Variants in FAM118B observed in about 807,000 individuals in gnomAD.
FAM118B encodes the protein SIR2 antiphage like 1, also known as protein FAM118B.
A neutral mutation model predicts 38.5 loss-of-function variants in FAM118B; 24 were observed. The observed-to-expected ratio is 0.62, with a 90% CI of 0.45 to 0.88. The LOEUF is 0.88. FAM118B is among the 40% of genes least tolerant of loss of function. The pLI is 0.00. For synonymous variants in FAM118B, 138 were observed against 156.3 expected (o/e 0.88, Z 0.87); for missense variants, 334 against 420.0 (o/e 0.80, Z 1.79).
intron 1 of FAM118B, among the ~76,000 whole-genome samples, chr11:126,218,065 C>A (rs1950003989): frequency 6.6e-6 from 1 of 152,214 alleles, no homozygotes; most frequent in Admixed American, 6.5e-5. Flanking sequence ...GGTTTTGATT[C>A]TGGAAATTCA....
chr11:126,261,353 TTTAG>T, intron 7 of FAM118B, 68 bp from the exon 8 acceptor site: 1 of 1,266,498 alleles, frequency 7.9e-7, no homozygotes, highest in Non-Finnish European at 1.2e-6. Context: ...CTCATCTCCC[TTTAG>T]TTTTCTTTTT....
rs564192334 is a variant in FAM118B at position 126,246,202 on chromosome 11, A to G, written c.340-4304A>G. ...TAGGTGAGATAGAAGTATTGCGATT[A>G]TGTTTTTGTTTTGTATGTACTTTTC... is the stretch of plus-strand genomic sequence containing the variant. On this transcript the variant is annotated intron_variant, in intron 4 of 8. Coordinates refer to ENST00000533050, the MANE Select transcript of FAM118B (RefSeq NM_024556.4). 3.3e-5 allele frequency among the ~76,000 whole-genome samples: 5 copies of G among 152,268 alleles called. No individual in the cohort carries two copies. The East Asian group carries it at 9.6e-4, about 29-fold the overall frequency.
intron 2 of FAM118B, among the ~76,000 whole-genome samples, chr11:126,232,762 A>G (rs1950225515): frequency 6.6e-6 from 1 of 151,994 alleles, no homozygotes; most frequent in African/African-American, 2.4e-5. Flanking sequence ...TTAAAAAAAT[A>G]TATATCCCCA....
chr11:126,249,351 AC>A (rs1183833005), intron 4 of FAM118B, among the ~76,000 whole-genome samples: 1 of 152,224 alleles, frequency 6.6e-6, no homozygotes, highest in Non-Finnish European at 1.5e-5. Context: ...TTCAGAATAA[AC>A]CTATGAACTG....
At chr11:126,234,007 A>G (rs1402759348) in intron 2 of FAM118B, among the ~76,000 whole-genome samples, 7 of 152,200 alleles carry the variant, frequency 4.6e-5, no homozygotes, top group Non-Finnish European at 5.9e-5. Context: ...GCTTGAGCCC[A>G]GGAGGCCGAG....
At chr11:126,211,961 G>A (rs550120533) in intron 1 of FAM118B, 131 bp downstream of exon 1, 45 of 313,378 alleles carry the variant, frequency 1.4e-4, no homozygotes, top group Non-Finnish European at 2.0e-4. Flanking sequence ...TTTGGTACAC[G>A]ATCCCACTCA....
intron 1 of FAM118B, among the ~76,000 whole-genome samples, chr11:126,227,885 G>C (rs1010449488): frequency 3.3e-5 from 5 of 149,766 alleles, no homozygotes; most frequent in Non-Finnish European, 7.4e-5. Flanking sequence ...CTGCAGCCTT[G>C]ATTTCCCAGG....
At chr11:126,233,742 T>C in intron 2 of FAM118B, 1 of 456,334 alleles carries the variant, frequency 2.2e-6, no homozygotes, top group Non-Finnish European at 4.4e-6. Context: ...GAGCCTTCTG[T>C]TTACCACAAA....
intron 2 of FAM118B, among the ~76,000 whole-genome samples, chr11:126,232,722 TA>T (rs908033174): frequency 3.0e-4 from 45 of 151,106 alleles, no homozygotes; most frequent in Non-Finnish European, 5.6e-4. Flanking sequence ...TATTTTTTTT[TA>T]AAAAAATATA....
rs1437519651 is a variant in FAM118B, at chr11:126,244,487, T to C, written c.339+3443T>C. On this transcript the variant is annotated intron_variant, in intron 4 of 8. Coordinates refer to ENST00000533050, the MANE Select transcript of FAM118B (RefSeq NM_024556.4). The surrounding 1 kb of genome is among the most constrained non-coding windows in gnomAD (Gnocchi z 4.5). ...CCACTTGGCATCAAAAATAGTAAAA[T>C]AGCTAGGAATAAATTTAACGAAAGA... Among the ~76,000 whole-genome samples the C allele has an allele frequency of 1.3e-5, 2 of 151,954 alleles. No individual in the cohort carries two copies. Among genetic ancestry groups the C allele is most frequent in the Non-Finnish European group, 2.9e-5 (2 of 67,980 alleles).
rs541038294 is a variant in FAM118B, at chr11:126,244,129, C to T, written c.339+3085C>T. On this transcript the variant is annotated intron_variant, in intron 4 of 8. Coordinates refer to ENST00000533050, the MANE Select transcript of FAM118B (RefSeq NM_024556.4). This position sits in a 1 kb window ranked among gnomAD's most constrained non-coding sequence, Gnocchi z 4.5. ...ATAAAGACCGTATATGAAAAACTCA[C>T]AGTTAACATATTTAATGGTGAAAGA... is the stretch of plus-strand genomic sequence containing the variant. 9.9e-5 allele frequency among the ~76,000 whole-genome samples: 15 copies of T among 152,274 alleles called. No homozygotes were observed. In the East Asian group the frequency reaches 2.9e-3, roughly 29 times the overall value.
intron 7 of FAM118B, among the ~76,000 whole-genome samples, chr11:126,259,551 G>A (rs1950640616): frequency 1.3e-5 from 2 of 150,920 alleles, no homozygotes; most frequent in Admixed American, 6.6e-5. Flanking sequence ...TCAGCCTCCT[G>A]AGTGGCTGGA....
chr11:126,229,001 A>T (rs1040672963), intron 1 of FAM118B, among the ~76,000 whole-genome samples: 2 of 152,224 alleles, frequency 1.3e-5, no homozygotes, highest in East Asian at 1.9e-4. Flanking sequence ...GTTATTTCTC[A>T]TAGGTAACCC....
rs957403738 is a variant in FAM118B, at chr11:126,254,533, T to TG, written c.696+101dup. On this transcript the variant is annotated intron_variant, in intron 6 of 8. Coordinates refer to ENST00000533050, the MANE Select transcript of FAM118B (RefSeq NM_024556.4). ...AGGGGAACATCTTCTTTTCATTAAG[T>TG]GAAAACGGAAGGTCAGGGGCTAGGA... The TG allele has an allele frequency of 2.0e-6, 3 of 1,498,268 alleles. No homozygotes were observed. The African/African-American group carries it at 4.1e-5, about 21-fold the overall frequency. 92.8% of individuals were successfully genotyped at this position (1,498,268 alleles called of 1,614,324 possible).
intron 7 of FAM118B, among the ~76,000 whole-genome samples, chr11:126,258,389 A>C (rs1160245636): frequency 1.3e-5 from 2 of 152,186 alleles, no homozygotes; most frequent in Non-Finnish European, 2.9e-5. Context: ...GCTGTTTCTA[A>C]AATAAATAAC....
chr11:126,235,150 C>A, intron 3 of FAM118B, 63 bp downstream of exon 3: 1 of 1,300,216 alleles, frequency 7.7e-7, no homozygotes, highest in Non-Finnish European at 1.1e-6. Flanking sequence ...GAAAAATAGC[C>A]AACTTATACC....
chr11:126,251,566 A>T (rs1591524636), intron 5 of FAM118B, among the ~76,000 whole-genome samples: 1 of 152,158 alleles, frequency 6.6e-6, no homozygotes, highest in African/African-American at 2.4e-5. Context: ...TCTTCCGCCT[A>T]CGCCCTCATA....
chr11:126,254,061 G>T (rs905130326), intron 5 of FAM118B, among the ~76,000 whole-genome samples: 5 of 152,154 alleles, frequency 3.3e-5, no homozygotes, highest in Non-Finnish European at 7.4e-5. Context: ...TGCAAATTAT[G>T]ACAAATTGTG....
chr11:126,213,252 A>G (rs960349615), intron 1 of FAM118B, among the ~76,000 whole-genome samples: 5 of 152,154 alleles, frequency 3.3e-5, no homozygotes, highest in African/African-American at 1.2e-4. Flanking sequence ...ATTTCTGTCA[A>G]TGTTTGGCCT....
Sources: allele counts gnomAD v4.1 joint callset (sites outside exome capture counted in the v4.1 genomes callset), GRCh38; gene constraint gnomAD v4.1.1; non-coding constraint Gnocchi (gnomAD v3.1); transcripts MANE v1.5; gene names NCBI Gene and HGNC (gene_info 2026-07-23, HGNC 2026-07-21).